ADCY3: variants seen among roughly 807,000 people sequenced by gnomAD.
ADCY3 encodes adenylate cyclase 3, also known as adenylate cyclase type 3.
Under a neutral mutation model 119.4 loss-of-function variants are expected in ADCY3, and 70 were observed. That is an observed-to-expected ratio of 0.59 (90% CI 0.48 to 0.72). The LOEUF (loss-of-function observed/expected upper bound fraction) is 0.72, where lower values mean the gene tolerates loss of function less well. Ranked by LOEUF, ADCY3 falls within the 30% of genes least tolerant of loss-of-function variation. The probability of loss-of-function intolerance (pLI) is 0.00; values close to 1 mark genes in which losing one functional copy is unlikely to be tolerated. For missense variants in ADCY3, 1,238 were observed against 1,541.6 expected, an observed-to-expected ratio of 0.80 and a Z score of 3.30; for synonymous variants, 672 against 621.4, an observed-to-expected ratio of 1.08 and a Z score of -1.21.
chr2:24,831,608 G>T, intron 12 of ADCY3, 54 bp downstream of exon 12: 1 of 1,377,028 alleles, frequency 7.3e-7, no homozygotes, highest in Non-Finnish European at 1.0e-6. Flanking sequence ...AGTTTTACAG[G>T]GAGTGCCACT....
At chr2:24,896,582 T>C (rs1678315507) in intron 2 of ADCY3, among the ~76,000 whole-genome samples, 1 of 152,136 alleles carries the variant, frequency 6.6e-6, no homozygotes, top group African/African-American at 2.4e-5. Flanking sequence ...TCATATTCTT[T>C]TAAAGAGGAC....
At chr2:24,911,828 C>T (rs1326083284) in intron 2 of ADCY3, among the ~76,000 whole-genome samples, 1 of 151,998 alleles carries the variant, frequency 6.6e-6, no homozygotes, top group Non-Finnish European at 1.5e-5. Context: ...GGATTCCAGG[C>T]ATGAGCTACT....
In ADCY3 at chr2:24,876,828, G is replaced by A. The variant is rs57486982; in HGVS notation, c.676-4109C>T. On this transcript the variant is annotated intron_variant, in intron 2 of 21. Transcript: ENST00000679454. ...CGAGAATCTGAAATAGGTCTTTCACGTCACCATGACACATGGGTTTCTCTG... is the reference window on the plus strand; with the variant it reads ...CGAGAATCTGAAATAGGTCTTTCACATCACCATGACACATGGGTTTCTCTG... Among the ~76,000 whole-genome samples the A allele has an allele frequency of 3.9e-5, 6 of 152,318 alleles. No individual in the cohort carries two copies. The East Asian group carries it at 7.7e-4, about 20-fold the overall frequency.
rs1670005566 is a variant in ADCY3 at position 24,834,406 on chromosome 2, C to T, written c.1967+79G>A. The T allele has an allele frequency of 7.6e-7, 1 of 1,310,256 alleles. No individual in the cohort carries two copies. Among genetic ancestry groups the T allele is most frequent in the Non-Finnish European group, 1.1e-6 (1 of 951,990 alleles). 81.2% of individuals were successfully genotyped at this position (1,310,256 alleles called of 1,614,324 possible). A position where few individuals can be genotyped will look rare whatever the true frequency, so the allele number is the denominator to read the frequency against. ...CTTGCTCCCCAATGTCAGGCTCCCGCTGAGACACCTGCCCCCGCCCCCCGC... is the reference window on the plus strand; with the variant it reads ...CTTGCTCCCCAATGTCAGGCTCCCGTTGAGACACCTGCCCCCGCCCCCCGC... On this transcript the variant is annotated intron_variant, in intron 11 of 21. Coordinates refer to ENST00000679454, the MANE Select transcript of ADCY3 (RefSeq NM_004036.5). This position sits in a 1 kb window ranked among gnomAD's most constrained non-coding sequence, Gnocchi z 4.2.
chr2:24,851,977 C>T (rs919839041), intron 3 of ADCY3, among the ~76,000 whole-genome samples: 24 of 152,268 alleles, frequency 1.6e-4, no homozygotes, highest in Admixed American at 6.5e-4. Context: ...CCGCAGCACC[C>T]GATTAAAGCC....
At chr2:24,837,135 G>A in intron 8 of ADCY3, 90 bp from the exon 9 acceptor site, 3 of 1,428,922 alleles carry the variant, frequency 2.1e-6, no homozygotes, top group South Asian at 1.4e-5. Context: ...GGGAGGCGGT[G>A]GGATTAGAGA....
In ADCY3 at chr2:24,899,530, A is replaced by G. The variant is rs1478710172; in HGVS notation, c.675+18783T>C. Among the ~76,000 whole-genome samples, 1 of 152,188 alleles carries G rather than the reference A, an allele frequency of 6.6e-6. No homozygotes were observed. Among genetic ancestry groups the G allele is most frequent in the African/African-American group, 2.4e-5 (1 of 41,438 alleles). On this transcript the variant is annotated intron_variant, in intron 2 of 21. Transcript: ENST00000679454. The surrounding 1 kb of genome is among the most constrained non-coding windows in gnomAD (Gnocchi z 4.5). ...GCTGCTGCAGATGGAAGCAAGCAGA[A>G]GCAGCTTGCTAGACCAGCCCTGACT...
intron 9 of ADCY3, 88 bp from the exon 10 acceptor site, chr2:24,835,024 A>G (rs1670113226): frequency 6.7e-7 from 1 of 1,494,578 alleles, no homozygotes; most frequent in African/African-American, 1.4e-5. Context: ...GGAGGAAAGG[A>G]ACAAAAGAGG....
intron 2 of ADCY3, among the ~76,000 whole-genome samples, chr2:24,896,985 C>T (rs1678365829): frequency 6.6e-6 from 1 of 152,112 alleles, no homozygotes; most frequent in Non-Finnish European, 1.5e-5. Context: ...ATTGCCTGGT[C>T]CCTATATTTT....
At position 24,917,809 on chromosome 2, in the gene ADCY3, G is replaced by T. The variant is rs548770983; in HGVS notation, c.675+504C>A. Among the ~76,000 whole-genome samples, 26 of 152,266 alleles carry T rather than the reference G, an allele frequency of 1.7e-4. 1 individual carries two copies. The South Asian group carries it at 5.4e-3, about 32-fold the overall frequency. ...GTCTTCCCTCTGTGCAGCCCTTCAC[G>T]TATCCTAATGCGCTTTCCCCCACAT... is the stretch of plus-strand genomic sequence containing the variant. On this transcript the variant is annotated intron_variant, in intron 2 of 21. Coordinates refer to ENST00000679454, the MANE Select transcript of ADCY3 (RefSeq NM_004036.5).
chr2:24,883,859 G>C (rs1167247069), intron 2 of ADCY3, among the ~76,000 whole-genome samples: 1 of 152,228 alleles, frequency 6.6e-6, no homozygotes, highest in Non-Finnish European at 1.5e-5. Flanking sequence ...TCTTGTGTTT[G>C]TGGCCATGGA....
At chr2:24,824,683 G>C (rs1232577026) in intron 16 of ADCY3, 147 bp from the exon 17 acceptor site, 3 of 761,966 alleles carry the variant, frequency 3.9e-6, no homozygotes, top group Non-Finnish European at 6.2e-6. Flanking sequence ...GAGGTCAGGA[G>C]TTCGAGACCA....
At chr2:24,852,741 C>T (rs1012340300) in intron 3 of ADCY3, among the ~76,000 whole-genome samples, 3 of 152,246 alleles carry the variant, frequency 2.0e-5, no homozygotes, top group Non-Finnish European at 2.9e-5. Flanking sequence ...CCCGAGCTGC[C>T]AACGCCCGCG....
intron 2 of ADCY3, among the ~76,000 whole-genome samples, chr2:24,912,124 G>A (rs1415584986): frequency 3.9e-5 from 6 of 152,244 alleles, no homozygotes; most frequent in East Asian, 1.9e-4. Context: ...CTGAGTCTCC[G>A]TGTTGGTGAT....
rs1365718706 is a variant in ADCY3 at position 24,918,289 on chromosome 2, G to A, written c.675+24C>T. On this transcript the variant is annotated intron_variant, in intron 2 of 21. Coordinates refer to ENST00000679454, the MANE Select transcript of ADCY3 (RefSeq NM_004036.5). This position sits in a 1 kb window ranked among gnomAD's most constrained non-coding sequence, Gnocchi z 5.4. The stretch of plus-strand genomic sequence containing the variant: ...TGAGAGCTGCAGGAGAGGACGCTGT[G>A]GGGGGACAGTGGGCAGGACTCACCT... 1.3e-6 allele frequency: 2 copies of A among 1,529,656 alleles called. No homozygotes were observed. Among genetic ancestry groups the A allele is most frequent in the Non-Finnish European group, 1.8e-6 (2 of 1,140,056 alleles). The allele number at this position is 1,529,656 out of a possible 1,614,324, so 94.8% of individuals were successfully genotyped here. A position where few individuals can be genotyped will look rare whatever the true frequency, so the allele number is the denominator to read the frequency against.
In ADCY3 at chr2:24,919,109, G is replaced by C. The variant is rs1244052547; in HGVS notation, c.-122C>G. ...GAGGGCTGAGGGCCTCTTCTTGTCT[G>C]GGGCGGAGGGGAGGCCACCTCCAGC... On this transcript the variant is annotated 5_prime_UTR_variant, in exon 2 of 22. Coordinates refer to ENST00000679454, the MANE Select transcript of ADCY3 (RefSeq NM_004036.5). This position sits in a 1 kb window ranked among gnomAD's most constrained non-coding sequence, Gnocchi z 5.5. 1.2e-5 allele frequency: 13 copies of C among 1,080,454 alleles called. No individual in the cohort carries two copies. Among genetic ancestry groups the C allele is most frequent in the African/African-American group, 1.6e-5 (1 of 62,608 alleles). The allele number at this position is 1,080,454 out of a possible 1,614,324, so 66.9% of individuals were successfully genotyped here.
chr2:24,843,067 C>G (rs889922695), intron 3 of ADCY3, among the ~76,000 whole-genome samples: 4 of 152,216 alleles, frequency 2.6e-5, no homozygotes, highest in African/African-American at 9.6e-5. Flanking sequence ...ACGCTGAGGG[C>G]ACTCCTGTTG....
chr2:24,820,318 GCCT>G, intron 21 of ADCY3: 1 of 1,303,462 alleles, frequency 7.7e-7, no homozygotes, highest in Non-Finnish European at 9.8e-7. Flanking sequence ...CTGGCTGGGG[GCCT>G]CCTCTCATCC....
intron 2 of ADCY3, among the ~76,000 whole-genome samples, chr2:24,876,776 T>C (rs2148844471): frequency 6.6e-6 from 1 of 152,318 alleles, no homozygotes; most frequent in African/African-American, 2.4e-5. Flanking sequence ...GAAAAAATTC[T>C]GCCTCTGGGG....
Sources: gnomAD v4.1 joint callset for allele counts (sites outside exome capture counted in the v4.1 genomes callset) on GRCh38, gnomAD v4.1.1 for gene constraint, Gnocchi (gnomAD v3.1) non-coding constraint, MANE v1.5 for transcripts, NCBI Gene and HGNC (gene_info 2026-07-23, HGNC 2026-07-21) for gene names.